The following ANO3 variants were observed in gnomAD, a reference collection of about 807,000 sequenced individuals.
ANO3 encodes the protein anoctamin 3, also known as anoctamin-3.
In ANO3, 99 loss-of-function variants were observed where a neutral mutation model predicts 144.8. The ratio of observed to expected loss-of-function variants is 0.68; its 90% CI spans 0.58 to 0.81. The LOEUF (loss-of-function observed/expected upper bound fraction) is 0.81. Ranked by LOEUF, ANO3 falls within the 30% of genes least tolerant of loss-of-function variation. The pLI, the probability that ANO3 is intolerant of heterozygous loss-of-function variation, is 0.00. For missense variants in ANO3, 905 were observed against 1,202.2 expected, an observed-to-expected ratio of 0.75 and a Z score of 3.66; for synonymous variants, 414 against 392.6, an observed-to-expected ratio of 1.05 and a Z score of -0.64.
chr11:26,272,004 C>T (rs1235880509), intron 1 of ANO3, among the ~76,000 whole-genome samples: 1 of 151,924 alleles, frequency 6.6e-6, no homozygotes, highest in Non-Finnish European at 1.5e-5. Flanking sequence ...ACTCCATAGC[C>T]AGTTCCTGCT....
chr11:26,565,857 A>G (rs1850558163), intron 14 of ANO3: 1 of 1,600,926 alleles, frequency 6.2e-7, no homozygotes, highest in Non-Finnish European at 8.5e-7. Flanking sequence ...TAAGGCCAAC[A>G]TTGTAGGCTT....
intron 1 of ANO3, among the ~76,000 whole-genome samples, chr11:26,257,330 C>A (rs893808275): frequency 6.6e-6 from 1 of 151,886 alleles, no homozygotes; most frequent in Non-Finnish European, 1.5e-5. Flanking sequence ...TACAATCTGA[C>A]CCAAGGACAT....
chr11:26,531,245 C>G lies in ANO3; in HGVS notation c.778C>G (p.Gln260Glu). ...TAGAAGAATCAAAAACTGGATGGCC[C>G]AAAACCCAATGGTTCTTGACAAGTC... is the stretch of plus-strand genomic sequence containing the variant. Reference protein sequence around the residue: ...YFRRIKNWMAQNPMVLDKSAF... With the variant: ...YFRRIKNWMAENPMVLDKSAF... The change falls in exon 8 of 27, where the codon CAA becomes GAA. Residue 260 changes from glutamine to glutamate, a missense_variant. Transcript: ENST00000256737. The G allele has an allele frequency of 6.2e-7, 1 of 1,614,028 alleles. No homozygotes were observed. The highest frequency in any genetic ancestry group is 8.5e-7 in the Non-Finnish European group (1 of 1,179,980).
At chr11:26,536,769 A>C (rs1849520329) in intron 9 of ANO3, among the ~76,000 whole-genome samples, 1 of 152,158 alleles carries the variant, frequency 6.6e-6, no homozygotes, top group South Asian at 2.1e-4. Context: ...TATAAAAATT[A>C]AATGATTTAT....
chr11:26,614,104 C>A (rs1291789667), intron 17 of ANO3, among the ~76,000 whole-genome samples: 2 of 152,158 alleles, frequency 1.3e-5, no homozygotes, highest in East Asian at 3.9e-4. Flanking sequence ...GCTGCAGGAC[C>A]CGCTTTCAGG....
At chr11:26,265,754 C>A (rs924268140) in intron 1 of ANO3, among the ~76,000 whole-genome samples, 2 of 152,118 alleles carry the variant, frequency 1.3e-5, no homozygotes, top group African/African-American at 4.8e-5. Context: ...AGTCAAATAA[C>A]CCTGAAACCT....
At chr11:26,291,888 T>C (rs1383455385) in intron 1 of ANO3, among the ~76,000 whole-genome samples, 2 of 152,144 alleles carry the variant, frequency 1.3e-5, no homozygotes, top group African/African-American at 2.4e-5. Flanking sequence ...TTATGTGTCT[T>C]GGGGTTGCTC....
At chr11:26,249,164 C>G (rs1852868553) in intron 1 of ANO3, among the ~76,000 whole-genome samples, 1 of 152,090 alleles carries the variant, frequency 6.6e-6, no homozygotes, top group Admixed American at 6.6e-5. Flanking sequence ...AGACTGATTG[C>G]CTGGCTTTGC....
intron 14 of ANO3, chr11:26,561,185 A>G: frequency 6.2e-7 from 1 of 1,612,316 alleles, no homozygotes; most frequent in Non-Finnish European, 8.5e-7. Flanking sequence ...AATTCCCAAA[A>G]CTCACATCAT....
chr11:26,207,154 A>G (rs933040724), intron 1 of ANO3, among the ~76,000 whole-genome samples: 26 of 152,312 alleles, frequency 1.7e-4, no homozygotes, highest in African/African-American at 6.3e-4. Flanking sequence ...TAATAAGACT[A>G]TATTGCATAC....
intron 14 of ANO3, among the ~76,000 whole-genome samples, chr11:26,577,326 G>A (rs939965701): frequency 6.6e-6 from 1 of 152,108 alleles, no homozygotes; most frequent in Non-Finnish European, 1.5e-5. Context: ...CACTTTGGGA[G>A]GCTGCGGTGG....
intron 14 of ANO3, among the ~76,000 whole-genome samples, chr11:26,570,204 C>T (rs1256938250): frequency 1.3e-5 from 2 of 152,034 alleles, no homozygotes; most frequent in Admixed American, 6.6e-5. Context: ...AACAACTCCT[C>T]TACAGAGGGA....
chr11:26,624,596 C>T, intron 18 of ANO3, 98 bp downstream of exon 18: 1 of 858,050 alleles, frequency 1.2e-6, no homozygotes, highest in East Asian at 2.5e-5. Context: ...TTAATAACTG[C>T]AATTATTTAA....
intron 1 of ANO3, among the ~76,000 whole-genome samples, chr11:26,348,533 G>T (rs1352533612): frequency 6.6e-6 from 1 of 152,070 alleles, no homozygotes; most frequent in Non-Finnish European, 1.5e-5. Flanking sequence ...TATAAAGATG[G>T]CCAATAAATT....
chr11:26,632,931 CA>C, intron 18 of ANO3, among the ~76,000 whole-genome samples: 1 of 152,166 alleles, frequency 6.6e-6, no homozygotes. Context: ...CATGACATGT[CA>C]AAACCCGTGG....
At chr11:26,452,372 G>A (rs1309451335) in intron 3 of ANO3, among the ~76,000 whole-genome samples, 1 of 152,190 alleles carries the variant, frequency 6.6e-6, no homozygotes, top group Non-Finnish European at 1.5e-5. Flanking sequence ...AACCAATACA[G>A]AGAAGTGCTT....
At position 26,643,301 on chromosome 11, in the gene ANO3, C is replaced by A. The variant is rs746299182; in HGVS notation, c.2395C>A (p.Arg799=). 3.7e-6 allele frequency: 6 copies of A among 1,613,972 alleles called. No homozygotes were observed. The African/African-American group carries it at 8.0e-5, about 22-fold the overall frequency. ...TGCATACAAATTTGTCACTCAATGG[C>A]GGAGGCCTTTGCCAGCCCGAGCAAC... ...LDAYKFVTQW[R]RPLPARATDI... is the part of the protein sequence containing the mutation. The change falls in exon 23 of 27, where the codon CGG becomes AGG. Residue 799 remains arginine (R), a synonymous_variant. Coordinates refer to ENST00000256737, the MANE Select transcript of ANO3 (RefSeq NM_031418.4).
chr11:26,375,803 G>A (rs1330444625), intron 1 of ANO3, among the ~76,000 whole-genome samples: 1 of 152,136 alleles, frequency 6.6e-6, no homozygotes, highest in Non-Finnish European at 1.5e-5. Context: ...TTTTTGGCTA[G>A]AGAAGATAAT....
chr11:26,505,671 T>C (rs1375177413), intron 4 of ANO3, among the ~76,000 whole-genome samples: 1 of 152,068 alleles, frequency 6.6e-6, no homozygotes, highest in African/African-American at 2.4e-5. Context: ...TGCAGGAAGA[T>C]AAATTTAAGA....
Sources: gnomAD v4.1 joint callset for allele counts (sites outside exome capture counted in the v4.1 genomes callset) on GRCh38, gnomAD v4.1.1 for gene constraint, MANE v1.5 for transcripts, NCBI Gene and HGNC (gene_info 2026-07-23, HGNC 2026-07-21) for gene names.